DNAH9: variants seen among roughly 807,000 people sequenced by gnomAD.
DNAH9 encodes dynein axonemal heavy chain 9, also known as DNAH9 variant protein.
DNAH9 carries 345 observed loss-of-function variants against 471.6 expected under a neutral mutation model. The ratio of observed to expected loss-of-function variants is 0.73; its 90% CI spans 0.67 to 0.80. DNAH9 has a LOEUF of 0.80. Among genes scored for constraint, DNAH9 ranks in the 30% least tolerant of loss-of-function variants. DNAH9 has a pLI of 0.00. For synonymous variants in DNAH9, 2,093 were observed against 2,123.6 expected (o/e 0.99, Z 0.40); for missense variants, 5,407 against 5,609.2 (o/e 0.96, Z 1.15).
chr17:11,745,944 G>A (rs1287101389), intron 31 of DNAH9, among the ~76,000 whole-genome samples: 1 of 152,124 alleles, frequency 6.6e-6, no homozygotes, highest in East Asian at 1.9e-4. Context: ...GATGTATAGA[G>A]GATCAATTTA....
In DNAH9 at chr17:11,695,443, G is replaced by A. The variant is rs184594330; in HGVS notation, c.4872+996G>A. Among the ~76,000 whole-genome samples, 24 of 152,302 alleles carry A rather than the reference G, an allele frequency of 1.6e-4. No individual in the cohort carries two copies. In the East Asian group the frequency reaches 3.9e-3, roughly 24 times the overall value. ...ACTGAATATGGAGGTAAGGCTTATT[G>A]GCAAAAGCATATATGAGAAGCCCAA... On this transcript the variant is annotated intron_variant, in intron 22 of 68. Transcript: ENST00000262442.
At chr17:11,598,982 GAC>G in intron 1 of DNAH9, 67 bp downstream of exon 1, 3 of 1,056,012 alleles carry the variant, frequency 2.8e-6, no homozygotes, top group South Asian at 1.7e-5. Context: ...AGCCTTAAGG[GAC>G]GGAGGCGGGG....
At chr17:11,739,821 A>G (rs1352413114) in intron 29 of DNAH9, among the ~76,000 whole-genome samples, 1 of 152,212 alleles carries the variant, frequency 6.6e-6, no homozygotes, top group Non-Finnish European at 1.5e-5. Flanking sequence ...AAACTGAAGA[A>G]TGCTTCATGG....
Position 11,937,805 on chromosome 17 carries a change from A to G in DNAH9, c.12660+283A>G, listed in dbSNP as rs1459569636. Among the ~76,000 whole-genome samples, 1 of 152,190 alleles carries G rather than the reference A, an allele frequency of 6.6e-6. No homozygotes were observed. The highest frequency in any genetic ancestry group is 1.9e-4 in the East Asian group (1 of 5,176). On this transcript the variant is annotated intron_variant, in intron 66 of 68. Coordinates refer to ENST00000262442, the MANE Select transcript of DNAH9 (RefSeq NM_001372.4). This position sits in a 1 kb window ranked among gnomAD's most constrained non-coding sequence, Gnocchi z 4.1. ...TCCATTTTTATTCAGCTTCTCTGCC[A>G]AAGTGAAGAAAGGGCAGGGCTGAAC...
chr17:11,788,301 G>A (rs978265894), intron 41 of DNAH9, among the ~76,000 whole-genome samples: 2 of 152,182 alleles, frequency 1.3e-5, no homozygotes, highest in Admixed American at 6.5e-5. Flanking sequence ...CATCTGGGTA[G>A]AGCCAAGGAG....
intron 36 of DNAH9, among the ~76,000 whole-genome samples, chr17:11,763,825 C>T (rs1320900736): frequency 2.6e-5 from 4 of 152,108 alleles, no homozygotes; most frequent in African/African-American, 9.7e-5. Context: ...GTGGTGTGTT[C>T]GGAGCTTTTC....
chr17:11,750,409 G>A lies in DNAH9; in HGVS notation c.6611-2424G>A, dbSNP rs1021666986. ...AGAAAAATAAGTACATAAAGGAATT[G>A]GCAATTATATCACCAAACTCAATAT... On this transcript the variant is annotated intron_variant, in intron 32 of 68. Coordinates refer to ENST00000262442, the MANE Select transcript of DNAH9 (RefSeq NM_001372.4). Among the ~76,000 whole-genome samples, 3 of 152,020 alleles carry A rather than the reference G, an allele frequency of 2.0e-5. No homozygotes were observed. In the East Asian group the frequency reaches 5.8e-4, roughly 29 times the overall value.
chr17:11,930,298 C>T (rs1974466559), intron 63 of DNAH9, among the ~76,000 whole-genome samples: 1 of 152,128 alleles, frequency 6.6e-6, no homozygotes. Flanking sequence ...GGGAGTAGAG[C>T]TCAGGACATT....
chr17:11,937,966 A>T lies in DNAH9; in HGVS notation c.12660+444A>T, dbSNP rs1597850796. Among the ~76,000 whole-genome samples the T allele has an allele frequency of 6.6e-6, 1 of 152,254 alleles. No homozygotes were observed. The highest frequency in any genetic ancestry group is 1.5e-5 in the Non-Finnish European group (1 of 68,042). On this transcript the variant is annotated intron_variant, in intron 66 of 68. Coordinates refer to ENST00000262442, the MANE Select transcript of DNAH9 (RefSeq NM_001372.4). The surrounding 1 kb of genome is among the most constrained non-coding windows in gnomAD (Gnocchi z 4.1). ...CCAGTGGGGAAGAACACAGTCCTTC[A>T]TAATGCAAACGCCTTCCCTTCGTGT...
chr17:11,632,554 C>T (rs770468210), intron 7 of DNAH9, 33 bp from the exon 8 acceptor site: 65 of 1,115,508 alleles, frequency 5.8e-5, no homozygotes, highest in South Asian at 8.7e-5. Flanking sequence ...CAGAAAATTA[C>T]GTTTTCCTTA....
intron 26 of DNAH9, among the ~76,000 whole-genome samples, chr17:11,715,327 A>T (rs1334313778): frequency 6.6e-6 from 1 of 152,222 alleles, no homozygotes; most frequent in African/African-American, 2.4e-5. Context: ...GGTGGGGCAG[A>T]TAAGAACAAA....
intron 26 of DNAH9, among the ~76,000 whole-genome samples, chr17:11,713,634 C>G (rs952112092): frequency 6.7e-6 from 1 of 150,084 alleles, no homozygotes; most frequent in Non-Finnish European, 1.5e-5. Flanking sequence ...TTTTATGGAC[C>G]ATGCATTTGG....
rs928478907 is a variant in DNAH9, at chr17:11,623,056, C to T, written c.1350+3275C>T. On this transcript the variant is annotated intron_variant, in intron 6 of 68. Coordinates refer to ENST00000262442, the MANE Select transcript of DNAH9 (RefSeq NM_001372.4). This position sits in a 1 kb window ranked among gnomAD's most constrained non-coding sequence, Gnocchi z 4.1. The stretch of plus-strand genomic sequence containing the variant: ...TGGCACAATCTCGGCTCACGACAAC[C>T]TCTGCCTCCTGGGTTCAAGCGATTC... Among the ~76,000 whole-genome samples the T allele has an allele frequency of 6.7e-6, 1 of 149,672 alleles. No individual in the cohort carries two copies. The highest frequency in any genetic ancestry group is 1.5e-5 in the Non-Finnish European group (1 of 67,738).
At chr17:11,925,167 G>T in intron 62 of DNAH9, 1 of 455,724 alleles carries the variant, frequency 2.2e-6, no homozygotes, top group Non-Finnish European at 4.4e-6. Context: ...TAGGTAAAGA[G>T]ATGTTCCTTC....
chr17:11,648,278 T>C (rs1165619773), intron 12 of DNAH9, among the ~76,000 whole-genome samples: 2 of 152,216 alleles, frequency 1.3e-5, no homozygotes, highest in Non-Finnish European at 2.9e-5. Context: ...GAACATTGCT[T>C]CCTCCTCTGC....
At chr17:11,768,131 GTTC>G (rs1271582390) in intron 36 of DNAH9, among the ~76,000 whole-genome samples, 9 of 152,158 alleles carry the variant, frequency 5.9e-5, no homozygotes, top group African/African-American at 2.2e-4. Flanking sequence ...CTCTTCAGGA[GTTC>G]TTGATTCTCC....
intron 45 of DNAH9, among the ~76,000 whole-genome samples, chr17:11,818,149 G>C (rs373574578): frequency 2.5e-4 from 38 of 152,308 alleles, no homozygotes; most frequent in African/African-American, 8.4e-4. Context: ...AAGTGGGATG[G>C]GCCGGGCGTG....
intron 19 of DNAH9, 146 bp downstream of exon 19, chr17:11,681,035 C>A (rs980611918): frequency 1.3e-5 from 10 of 766,782 alleles, no homozygotes; most frequent in Non-Finnish European, 1.9e-5. Context: ...TTGGTTGAAA[C>A]GTGGTGCTAA....
chr17:11,785,971 T>C (rs907908813), intron 41 of DNAH9, among the ~76,000 whole-genome samples: 4 of 152,222 alleles, frequency 2.6e-5, no homozygotes, highest in African/African-American at 9.6e-5. Context: ...TACTCACAAC[T>C]AGCTCCCATT....
Sources: allele counts gnomAD v4.1 joint callset (sites outside exome capture counted in the v4.1 genomes callset), GRCh38; gene constraint gnomAD v4.1.1; non-coding constraint Gnocchi (gnomAD v3.1); transcripts MANE v1.5; gene names NCBI Gene and HGNC (gene_info 2026-07-23, HGNC 2026-07-21).